Variants in LIMA1 observed in about 807,000 individuals in gnomAD.
LIMA1 encodes LIM domain and actin-binding protein 1.
Under a neutral mutation model 62.6 loss-of-function variants are expected in LIMA1, and 52 were observed. The ratio of observed to expected loss-of-function variants is 0.83; its 90% CI spans 0.67 to 1.05. The LOEUF is 1.05. LIMA1 is among the 50% of genes least tolerant of loss of function. LIMA1 has a pLI of 0.00. For missense variants in LIMA1, 780 were observed against 902.2 expected, an observed-to-expected ratio of 0.86 and a Z score of 1.74; for synonymous variants, 302 against 317.8, an observed-to-expected ratio of 0.95 and a Z score of 0.53.
intron 6 of LIMA1, chr12:50,202,065 G>A (rs1465605819): frequency 6.6e-6 from 1 of 152,218 alleles, no homozygotes; most frequent in East Asian, 1.9e-4. Context: ...TGAAAGGAAT[G>A]TGAGTATGAC....
At chr12:50,225,036 G>A (rs1234488939) in intron 3 of LIMA1, among the ~76,000 whole-genome samples, 1 of 151,554 alleles carries the variant, frequency 6.6e-6, no homozygotes. Flanking sequence ...CTGAGTAGCT[G>A]GGATTACAGG....
At chr12:50,260,044 A>G (rs1434857321) in intron 1 of LIMA1, among the ~76,000 whole-genome samples, 2 of 152,068 alleles carry the variant, frequency 1.3e-5, no homozygotes. Flanking sequence ...CCCTTCTCTG[A>G]GCGAGCTCAC....
At chr12:50,192,844 G>A (rs2358538) in intron 8 of LIMA1, among the ~76,000 whole-genome samples, 100,174 of 152,086 alleles carry the variant, frequency 0.66, 35,014 homozygotes, top group East Asian at 0.92. Flanking sequence ...TCTTCCTTGT[G>A]CCATTTGTCA....
chr12:50,257,821 TGC>T (rs1942017145), intron 1 of LIMA1, among the ~76,000 whole-genome samples: 1 of 152,238 alleles, frequency 6.6e-6, no homozygotes, highest in Non-Finnish European at 1.5e-5. Context: ...CTTGGCAGTA[TGC>T]CACAAGATGA....
At chr12:50,278,253 T>C (rs1298591287) in intron 1 of LIMA1, among the ~76,000 whole-genome samples, 1 of 151,806 alleles carries the variant, frequency 6.6e-6, no homozygotes, top group African/African-American at 2.4e-5. Flanking sequence ...ACCCCATCTC[T>C]ACTAAAAATA....
intron 2 of LIMA1, among the ~76,000 whole-genome samples, chr12:50,239,640 A>G (rs1216760276): frequency 6.6e-6 from 1 of 152,112 alleles, no homozygotes; most frequent in Non-Finnish European, 1.5e-5. Context: ...ACTCTGTCTC[A>G]AAAAACAAAC....
chr12:50,264,614 A>T (rs1942116513), intron 1 of LIMA1, among the ~76,000 whole-genome samples: 1 of 152,204 alleles, frequency 6.6e-6, no homozygotes, highest in Non-Finnish European at 1.5e-5. Flanking sequence ...TCTATGTAAA[A>T]GGAAGATGAT....
chr12:50,218,904 A>AAAC (rs1555206959), intron 4 of LIMA1, among the ~76,000 whole-genome samples: 74 of 135,994 alleles, frequency 5.4e-4, no homozygotes, highest in African/African-American at 1.9e-3. Context: ...ATAAAAAAAA[A>AAAC]AAAAACAAAA....
intron 1 of LIMA1, among the ~76,000 whole-genome samples, chr12:50,255,041 AC>A (rs1941976816): frequency 1.3e-5 from 1 of 79,800 alleles, no homozygotes; most frequent in Non-Finnish European, 2.2e-5. Context: ...ACCAAAAAAA[AC>A]AAAACAAAAA....
chr12:50,203,611 C>T (rs934846607), intron 6 of LIMA1, among the ~76,000 whole-genome samples: 4 of 152,022 alleles, frequency 2.6e-5, no homozygotes, highest in African/African-American at 9.7e-5. Context: ...TGGGGTTTCA[C>T]CACGTTAGCC....
rs1940332876 is a variant in LIMA1, at chr12:50,176,304, C to G, written c.*760G>C. 6.6e-6 allele frequency: 1 copy of G among 152,120 alleles called. No individual in the cohort carries two copies. 9.4% of individuals were successfully genotyped at this position (152,120 alleles called of 1,614,324 possible). A position where few individuals can be genotyped will look rare whatever the true frequency, so the allele number is the denominator to read the frequency against. On this transcript the variant is annotated 3_prime_UTR_variant, in exon 11 of 11. Coordinates refer to ENST00000341247, the MANE Select transcript of LIMA1 (RefSeq NM_016357.5). ...TGCAGCTTTCAGTAATTATGAGAAG[C>G]ACAGATATCACCAGAAAAGAAAGCA...
chr12:50,205,499 G>A (rs1468120738), intron 5 of LIMA1, among the ~76,000 whole-genome samples: 1 of 151,956 alleles, frequency 6.6e-6, no homozygotes. Context: ...CTTTTGTGAA[G>A]TGCCTGTATA....
chr12:50,193,581 A>AT, intron 8 of LIMA1, among the ~76,000 whole-genome samples: 1 of 131,984 alleles, frequency 7.6e-6, no homozygotes, highest in African/African-American at 2.9e-5. Context: ...ATATATATAT[A>AT]CATGTATATA....
chr12:50,224,895 C>CT (rs1565848543), intron 3 of LIMA1, among the ~76,000 whole-genome samples: 34 of 142,698 alleles, frequency 2.4e-4, no homozygotes, highest in African/African-American at 7.8e-4. Flanking sequence ...GCATGCCTGG[C>CT]ATTTTTTTTT....
intron 9 of LIMA1, chr12:50,185,463 C>G: frequency 2.2e-6 from 1 of 456,170 alleles, no homozygotes; most frequent in Non-Finnish European, 4.4e-6. Flanking sequence ...AAGAGACAAA[C>G]AGGAACCTTC....
intron 1 of LIMA1, among the ~76,000 whole-genome samples, chr12:50,266,408 A>G (rs1942138690): frequency 6.6e-6 from 1 of 152,234 alleles, no homozygotes; most frequent in Non-Finnish European, 1.5e-5. Context: ...TGTGCTGTTC[A>G]GCAATTATTT....
chr12:50,214,051 C>CACACACACACACAAT (rs55904917), intron 4 of LIMA1, among the ~76,000 whole-genome samples: 1 of 149,862 alleles, frequency 6.7e-6, no homozygotes, highest in Admixed American at 6.6e-5. Context: ...CACACACACA[C>CACACACACACACAAT]GAGATTACTC....
At chr12:50,213,220 A>G (rs1009339429) in intron 4 of LIMA1, among the ~76,000 whole-genome samples, 2 of 152,230 alleles carry the variant, frequency 1.3e-5, no homozygotes, top group Admixed American at 6.5e-5. Flanking sequence ...ATGCTTTTCA[A>G]TTAGTTAAGC....
At chr12:50,192,659 A>T in intron 8 of LIMA1, 98 bp from the exon 9 acceptor site, 1 of 789,014 alleles carries the variant, frequency 1.3e-6, no homozygotes, top group African/African-American at 1.7e-5. Context: ...TTCATTAATG[A>T]CAGATCCTTC....
Sources: gnomAD v4.1 joint callset for allele counts (sites outside exome capture counted in the v4.1 genomes callset) on GRCh38, gnomAD v4.1.1 for gene constraint, MANE v1.5 for transcripts, NCBI Gene and HGNC (gene_info 2026-07-23, HGNC 2026-07-21) for gene names.